ORAI2: variants seen among roughly 807,000 people sequenced by gnomAD.
The protein encoded by ORAI2 is ORAI calcium release-activated calcium modulator 2, also known as protein orai-2.
In ORAI2, 10 loss-of-function variants were observed where a neutral mutation model predicts 16.2. The ratio of observed to expected loss-of-function variants is 0.62; its 90% CI spans 0.38 to 1.04. The LOEUF is 1.04. ORAI2 is among the 50% of genes least tolerant of loss of function. The probability of loss-of-function intolerance (pLI) is 0.01; values close to 1 mark genes in which losing one functional copy is unlikely to be tolerated. For synonymous variants in ORAI2, 150 were observed against 157.5 expected, an observed-to-expected ratio of 0.95 and a Z score of 0.35; for missense variants, 238 against 355.5, an observed-to-expected ratio of 0.67 and a Z score of 2.66.
At chr7:102,445,172 G>T (rs1390289244) in intron 3 of ORAI2, among the ~76,000 whole-genome samples, 1 of 56,902 alleles carries the variant, frequency 1.8e-5, no homozygotes, top group African/African-American at 1.7e-4. Flanking sequence ...CTCTCACTGG[G>T]CTTTTGGCCT....
chr7:102,447,781 T>C lies in ORAI2; in HGVS notation c.*729T>C, dbSNP rs928086640. On this transcript the variant is annotated 3_prime_UTR_variant, in exon 4 of 4. Coordinates refer to ENST00000495936, the MANE Select transcript of ORAI2 (RefSeq NM_001126340.3). ...AGATGCCCCCTTGAGGAGGCTGAGT[T>C]ATTTGAGGGCTGCTGCAAAGTACGC... 1.3e-5 allele frequency: 2 copies of C among 152,218 alleles called. No homozygotes were observed. The highest frequency in any genetic ancestry group is 2.9e-5 in the Non-Finnish European group (2 of 68,062). The allele number at this position is 152,218 out of a possible 1,614,324, so 9.4% of individuals were successfully genotyped here. A position where few individuals can be genotyped will look rare whatever the true frequency, so the allele number is the denominator to read the frequency against.
At chr7:102,442,300 C>T (rs1306971821) in intron 3 of ORAI2, among the ~76,000 whole-genome samples, 1 of 152,142 alleles carries the variant, frequency 6.6e-6, no homozygotes, top group Non-Finnish European at 1.5e-5. Context: ...TGCCTATAAT[C>T]CCAGCACTTT....
Position 102,450,122 on chromosome 7 carries a change from A to C in ORAI2, c.*3070A>C, listed in dbSNP as rs1797483769. On this transcript the variant is annotated 3_prime_UTR_variant, in exon 4 of 4. Coordinates refer to ENST00000495936, the MANE Select transcript of ORAI2 (RefSeq NM_001126340.3). ...CCTGGGCGACAGAGGGTGACTCCTCAAAAAAAAGAAAAATAGCTAAAATAT... is the reference window on the plus strand; with the variant it reads ...CCTGGGCGACAGAGGGTGACTCCTCCAAAAAAAGAAAAATAGCTAAAATAT... 6.6e-6 allele frequency: 1 copy of C among 151,870 alleles called. No individual in the cohort carries two copies. Among genetic ancestry groups the C allele is most frequent in the Admixed American group, 6.6e-5 (1 of 15,208 alleles). The allele number at this position is 151,870 out of a possible 1,614,324, so 9.4% of individuals were successfully genotyped here.
In ORAI2 at chr7:102,438,951, C is replaced by G. The variant is rs768973257; in HGVS notation, c.-6C>G. 3 of 1,613,698 alleles carry G rather than the reference C, an allele frequency of 1.9e-6. No individual in the cohort carries two copies. Among genetic ancestry groups the G allele is most frequent in the African/African-American group, 2.7e-5 (2 of 74,898 alleles). ...TCTCTCTCCCACCCTTAGCCTGGCT[C>G]CCACCATGAGTGCTGAGCTTAACGT... On this transcript the variant is annotated 5_prime_UTR_variant, in exon 3 of 4. Transcript: ENST00000495936.
At chr7:102,444,150 C>T (rs1176395013) in intron 3 of ORAI2, among the ~76,000 whole-genome samples, 1 of 152,090 alleles carries the variant, frequency 6.6e-6, no homozygotes. Context: ...GACAGGATAT[C>T]GCTCCATTGC....
intron 1 of ORAI2, among the ~76,000 whole-genome samples, chr7:102,435,428 G>A (rs1037914556): frequency 6.6e-6 from 1 of 152,056 alleles, no homozygotes; most frequent in African/African-American, 2.4e-5. Flanking sequence ...CCCCTCCCCG[G>A]TGTTACCTGC....
intron 2 of ORAI2, among the ~76,000 whole-genome samples, chr7:102,437,595 A>G (rs1217807069): frequency 1.3e-5 from 2 of 152,236 alleles, no homozygotes; most frequent in Non-Finnish European, 2.9e-5. Flanking sequence ...AGCCTGGGTG[A>G]CAGAGCGAGA....
chr7:102,441,657 ATTG>A lies in ORAI2; in HGVS notation c.225+2482_225+2484del, dbSNP rs1049092171. ...CTTCACCTTATACCAAGGGAGAAATATTGTTGTTTCATTTTGTTTTTTTCCCCC... is the reference window on the plus strand; with the variant it reads ...CTTCACCTTATACCAAGGGAGAAATATTGTTTCATTTTGTTTTTTTCCCCC... On this transcript the variant is annotated intron_variant, in intron 3 of 3. Coordinates refer to ENST00000495936, the MANE Select transcript of ORAI2 (RefSeq NM_001126340.3). Among the ~76,000 whole-genome samples, 5 of 149,224 alleles carry A rather than the reference ATTG, an allele frequency of 3.4e-5. 1 individual carries two copies. Among genetic ancestry groups the A allele is most frequent in the African/African-American group, 7.4e-5 (3 of 40,330 alleles).
chr7:102,435,868 C>G (rs1307380346), intron 1 of ORAI2, among the ~76,000 whole-genome samples: 1 of 152,134 alleles, frequency 6.6e-6, no homozygotes, highest in Non-Finnish European at 1.5e-5. Flanking sequence ...CTCCTGACCT[C>G]TAGTGATCCG....
rs368278302 is a variant in ORAI2 at position 102,443,089 on chromosome 7, T to TTTC, written c.226-3382_226-3380dup. ...AACACAGTGAAAAATTGCCTTCTCTTTTCTTCTTCTTCTTCTTCTTCTTCT... is the reference window on the plus strand; with the variant it reads ...AACACAGTGAAAAATTGCCTTCTCTTTTCTTCTTCTTCTTCTTCTTCTTCTTCT... On this transcript the variant is annotated intron_variant, in intron 3 of 3. Transcript: ENST00000495936. Among the ~76,000 whole-genome samples, 1,199 of 125,630 alleles carry TTTC rather than the reference T, an allele frequency of 9.5e-3. 14 individuals carry two copies. Among genetic ancestry groups the TTTC allele is most frequent in the East Asian group, 0.039 (166 of 4,238 alleles). The allele number at this position is 125,630 out of a possible 152,430, so 82.4% of individuals were successfully genotyped here.
At chr7:102,436,437 G>T in intron 2 of ORAI2, 104 bp downstream of exon 2, 1 of 717,148 alleles carries the variant, frequency 1.4e-6, no homozygotes, top group Non-Finnish European at 1.7e-6. Context: ...AAAGGGAAAG[G>T]CGACACTGTT....
chr7:102,447,235 C>T lies in ORAI2; in HGVS notation c.*183C>T. The T allele has an allele frequency of 2.7e-6, 2 of 727,888 alleles. No individual in the cohort carries two copies. Among genetic ancestry groups the T allele is most frequent in the Non-Finnish European group, 4.4e-6 (2 of 457,830 alleles). 45.1% of individuals were successfully genotyped at this position (727,888 alleles called of 1,614,324 possible). A position where few individuals can be genotyped will look rare whatever the true frequency, so the allele number is the denominator to read the frequency against. On this transcript the variant is annotated 3_prime_UTR_variant, in exon 4 of 4. Coordinates refer to ENST00000495936, the MANE Select transcript of ORAI2 (RefSeq NM_001126340.3). ...TAGAACCGTTTGGTTCAATGAGGGA[C>T]TGTGTTGCTAAGAGCGTTGGGGGCA...
At chr7:102,435,692 C>A (rs193040352) in intron 1 of ORAI2, among the ~76,000 whole-genome samples, 4 of 151,572 alleles carry the variant, frequency 2.6e-5, no homozygotes. Flanking sequence ...TGGAGTGCCG[C>A]GGTAGGATCT....
rs968216924 is a variant in ORAI2, at chr7:102,448,226, CTG to C, written c.*1177_*1178del. 2 of 152,394 alleles carry C rather than the reference CTG, an allele frequency of 1.3e-5. No individual in the cohort carries two copies. Among genetic ancestry groups the C allele is most frequent in the African/African-American group, 2.4e-5 (1 of 41,484 alleles). 9.4% of individuals were successfully genotyped at this position (152,394 alleles called of 1,614,324 possible). On this transcript the variant is annotated 3_prime_UTR_variant, in exon 4 of 4. Transcript: ENST00000495936. Reference sequence around the variant, plus strand: ...CACTGGGTCCCACCACACACAGTGACTGTGCCGTGCAGTGCAGGTTCTGGCCT... The same window carrying C: ...CACTGGGTCCCACCACACACAGTGACTGCCGTGCAGTGCAGGTTCTGGCCT...
intron 2 of ORAI2, among the ~76,000 whole-genome samples, chr7:102,437,738 G>C (rs2133222143): frequency 6.6e-6 from 1 of 152,270 alleles, no homozygotes; most frequent in South Asian, 2.1e-4. Flanking sequence ...GTCTTCAGAT[G>C]CATTATCTTA....
chr7:102,442,556 A>G (rs532034463), intron 3 of ORAI2, among the ~76,000 whole-genome samples: 1 of 151,842 alleles, frequency 6.6e-6, no homozygotes, highest in East Asian at 1.9e-4. Context: ...GCGTGGTGGC[A>G]CACGCCTGTA....
Position 102,446,706 on chromosome 7 carries a change from A to G in ORAI2, c.419A>G (p.Glu140Gly). The G allele has an allele frequency of 6.2e-7, 1 of 1,614,184 alleles. No individual in the cohort carries two copies. The highest frequency in any genetic ancestry group is 8.5e-7 in the Non-Finnish European group (1 of 1,180,028). Reference protein sequence around the residue: ...NLNSISESPHERMHPYIELAW... With the variant: ...NLNSISESPHGRMHPYIELAW... ...AACTCCATCAGCGAGTCCCCGCATG[A>G]GCGCATGCACCCCTACATCGAGCTG... Residue 140 changes from glutamate to glycine, a missense_variant, in exon 4 of 4, where the codon GAG (glutamate) becomes GGG (glycine). Glu to Gly is a moderately conservative substitution (Grantham distance 98). Around this residue, in one of 3 missense-constraint regions of ORAI2, gnomAD observed 176 missense variants for 265.9 expected, o/e 0.66. Transcript: ENST00000495936.
At chr7:102,435,186 G>A (rs888910270) in intron 1 of ORAI2, among the ~76,000 whole-genome samples, 2 of 152,152 alleles carry the variant, frequency 1.3e-5, no homozygotes, top group Non-Finnish European at 2.9e-5. Flanking sequence ...CGGGAGGATC[G>A]CTTGAGCCTG....
intron 1 of ORAI2, among the ~76,000 whole-genome samples, chr7:102,434,201 G>A (rs1230301699): frequency 4.1e-5 from 6 of 145,982 alleles, no homozygotes; most frequent in African/African-American, 1.5e-4. Context: ...CCACCTGACA[G>A]AAGTACAGGG....
Sources: gnomAD v4.1 joint callset for allele counts (sites outside exome capture counted in the v4.1 genomes callset) on GRCh38, gnomAD v4.1.1 for gene constraint, gnomAD v4.1.1 regional missense constraint, MANE v1.5 for transcripts, NCBI Gene and HGNC (gene_info 2026-07-23, HGNC 2026-07-21) for gene names.